Variants in FGF13 observed in about 807,000 individuals in gnomAD.
FGF13 encodes fibroblast growth factor homologous factor 2.
A neutral mutation model predicts 19.5 loss-of-function variants in FGF13; 2 were observed. That is an observed-to-expected ratio of 0.10 (90% confidence interval 0.04 to 0.32). The LOEUF is 0.32. Ranked by LOEUF, FGF13 falls within the 10% of genes least tolerant of loss-of-function variation. The pLI is 1.00. For synonymous variants in FGF13, 72 were observed against 76.9 expected (o/e 0.94, Z 0.33); for missense variants, 113 against 192.7 (o/e 0.59, Z 2.45).
intron 3 of FGF13, among the ~76,000 whole-genome samples, chrX:138,800,419 T>C (rs752971048): frequency 1.8e-5 from 2 of 111,979 alleles, no homozygotes; most frequent in South Asian, 7.6e-4. Flanking sequence ...TCTTCTGGCT[T>C]GTAGGGTTTC....
intron 3 of FGF13, among the ~76,000 whole-genome samples, chrX:138,810,369 G>A (rs1287457684): frequency 5.4e-5 from 6 of 111,490 alleles, no homozygotes; most frequent in Non-Finnish European, 9.4e-5. Flanking sequence ...AATAAATGGT[G>A]CTGGGAAAAC....
chrX:139,071,018 T>A (rs2092374926), intron 1 of FGF13, among the ~76,000 whole-genome samples: 1 of 109,822 alleles, frequency 9.1e-6, no homozygotes, highest in Admixed American at 9.9e-5. Flanking sequence ...TTAGGAGAAC[T>A]ACCCAATGTA....
At chrX:138,759,908 T>A (rs775282449) in intron 3 of FGF13, among the ~76,000 whole-genome samples, 2 of 111,686 alleles carry the variant, frequency 1.8e-5, no homozygotes, top group South Asian at 3.8e-4. Context: ...ATATTTCACC[T>A]CTTCTCTATA....
At chrX:138,950,465 C>T (rs2091805364) in intron 1 of FGF13, among the ~76,000 whole-genome samples, 1 of 111,644 alleles carries the variant, frequency 9.0e-6, no homozygotes, top group Non-Finnish European at 1.9e-5. Flanking sequence ...AAACCTCTTT[C>T]GATAGATGAT....
At chrX:139,089,563 G>A (rs750406798) in intron 1 of FGF13, among the ~76,000 whole-genome samples, 5 of 111,144 alleles carry the variant, frequency 4.5e-5, no homozygotes, top group African/African-American at 6.6e-5. Context: ...AGAGACAGAA[G>A]ACCTGGACTC....
At chrX:139,093,421 C>T (rs770089735) in intron 1 of FGF13, among the ~76,000 whole-genome samples, 23 of 111,967 alleles carry the variant, frequency 2.1e-4, no homozygotes, top group Non-Finnish European at 3.8e-4. Flanking sequence ...TCTGCTATTG[C>T]GAGAAGAACC....
chrX:138,805,485 T>C (rs1202997391), intron 3 of FGF13, among the ~76,000 whole-genome samples: 1 of 111,240 alleles, frequency 9.0e-6, no homozygotes, highest in Non-Finnish European at 1.9e-5. Flanking sequence ...ATGCAACATT[T>C]GATTGGACCT....
chrX:139,008,389 C>G (rs1404108734), intron 1 of FGF13, among the ~76,000 whole-genome samples: 3 of 112,562 alleles, frequency 2.7e-5, no homozygotes, highest in African/African-American at 6.5e-5. Flanking sequence ...GGCCAACAAA[C>G]ACAAAACCAG....
At chrX:139,189,285 AAATT>A (rs2148276027) in intron 1 of FGF13, among the ~76,000 whole-genome samples, 1 of 111,557 alleles carries the variant, frequency 9.0e-6, no homozygotes, top group Admixed American at 9.5e-5. Flanking sequence ...CTGAGAAAAT[AAATT>A]GAGTATTTTA....
chrX:139,134,033 G>A (rs185951782), intron 1 of FGF13, among the ~76,000 whole-genome samples: 3 of 111,161 alleles, frequency 2.7e-5, no homozygotes, highest in Non-Finnish European at 3.8e-5. Context: ...ATTATTTTAC[G>A]AATATTCTTA....
chrX:138,970,716 C>T (rs1460483430), intron 1 of FGF13, among the ~76,000 whole-genome samples: 3 of 111,218 alleles, frequency 2.7e-5, no homozygotes, highest in Admixed American at 1.9e-4. Context: ...AACTGGTCTT[C>T]GTCTGCTTGA....
chrX:138,712,890 C>T (rs1024750186), upstream of FGF13, among the ~76,000 whole-genome samples: 1 of 112,036 alleles, frequency 8.9e-6, no homozygotes, highest in Non-Finnish European at 1.9e-5. Flanking sequence ...CAAACAAGCT[C>T]GGACTCAGCA....
intron 1 of FGF13, among the ~76,000 whole-genome samples, chrX:138,892,067 A>C (rs981553898): frequency 1.8e-4 from 19 of 107,778 alleles, no homozygotes; most frequent in African/African-American, 6.6e-4. Context: ...CTCTAAGAGA[A>C]CCCTGACTAA....
At chrX:139,188,791 A>G (rs769477452) in intron 1 of FGF13, among the ~76,000 whole-genome samples, 1 of 112,574 alleles carries the variant, frequency 8.9e-6, no homozygotes, top group East Asian at 2.8e-4. Context: ...ATAAAAACAA[A>G]TAAAAATGTT....
chrX:138,806,711 G>C (rs1474276075), intron 3 of FGF13: 3 of 111,671 alleles, frequency 2.7e-5, no homozygotes, highest in African/African-American at 9.8e-5. Flanking sequence ...AAAGCTGGAA[G>C]ATACTCAGTA....
chrX:139,058,055 TA>T (rs1277326154), intron 1 of FGF13, among the ~76,000 whole-genome samples: 1 of 111,823 alleles, frequency 8.9e-6, no homozygotes, highest in African/African-American at 3.2e-5. Flanking sequence ...AGAACTATAC[TA>T]AAAAATCTAA....
At chrX:138,723,132 C>T (rs2090158969) in intron 1 of FGF13, among the ~76,000 whole-genome samples, 1 of 111,299 alleles carries the variant, frequency 9.0e-6, no homozygotes, top group South Asian at 3.8e-4. Context: ...TGCAAATAAT[C>T]CTGATTTATA....
intron 3 of FGF13, among the ~76,000 whole-genome samples, chrX:138,783,826 A>G (rs1202767351): frequency 9.1e-6 from 1 of 110,464 alleles, no homozygotes; most frequent in African/African-American, 3.3e-5. Flanking sequence ...TATATACCCA[A>G]AGGACTATAA....
At chrX:138,739,549 C>A (rs2090305279), upstream of FGF13, among the ~76,000 whole-genome samples, 1 of 111,566 alleles carries the variant, frequency 9.0e-6, no homozygotes. Context: ...TTTGCCTATA[C>A]TATTTGCTTA....
Sources: allele counts gnomAD v4.1 joint callset (sites outside exome capture counted in the v4.1 genomes callset), GRCh38; gene constraint gnomAD v4.1.1; transcripts MANE v1.5; gene names NCBI Gene and HGNC (gene_info 2026-07-23, HGNC 2026-07-21).